MYO18B: variants seen among roughly 807,000 people sequenced by gnomAD.
MYO18B encodes the protein unconventional myosin-XVIIIb.
In MYO18B, 204 loss-of-function variants were observed where a neutral mutation model predicts 273.0. The ratio of observed to expected loss-of-function variants is 0.75; its 90% CI spans 0.67 to 0.84. The LOEUF is 0.84. MYO18B is among the 40% of genes least tolerant of loss of function. The pLI is 0.00. For synonymous variants in MYO18B, 1,330 were observed against 1,305.7 expected, an observed-to-expected ratio of 1.02 and a Z score of -0.40; for missense variants, 3,212 against 3,287.6, an observed-to-expected ratio of 0.98 and a Z score of 0.56.
chr22:25,852,699 A>C (rs910418591), intron 21 of MYO18B, among the ~76,000 whole-genome samples: 21 of 152,230 alleles, frequency 1.4e-4, no homozygotes, highest in Admixed American at 1.4e-3. Context: ...GAGGCCACAC[A>C]GCCAGGCATT....
chr22:25,824,620 C>T (rs1407556494), intron 13 of MYO18B, among the ~76,000 whole-genome samples: 1 of 152,102 alleles, frequency 6.6e-6, no homozygotes, highest in Non-Finnish European at 1.5e-5. Context: ...GGGCCCATCT[C>T]TTGGAGCTCC....
intron 3 of MYO18B, among the ~76,000 whole-genome samples, chr22:25,764,125 C>T (rs2086423290): frequency 6.6e-6 from 1 of 152,222 alleles, no homozygotes; most frequent in Non-Finnish European, 1.5e-5. Context: ...GTACCTTCCT[C>T]CAGCTGGTGT....
chr22:25,770,315 G>C (rs935551833), intron 5 of MYO18B, 139 bp downstream of exon 5: 9 of 735,434 alleles, frequency 1.2e-5, no homozygotes, highest in Admixed American at 1.1e-4. Context: ...TCTTTCAAAG[G>C]CATTTGTGTC....
intron 34 of MYO18B, among the ~76,000 whole-genome samples, chr22:25,933,397 G>A (rs1484156554): frequency 6.6e-6 from 1 of 152,138 alleles, no homozygotes; most frequent in Non-Finnish European, 1.5e-5. Flanking sequence ...GCCAACTGGT[G>A]GTTTTAGCAG....
chr22:25,892,804 A>G (rs1265128409), intron 27 of MYO18B, among the ~76,000 whole-genome samples: 3 of 152,204 alleles, frequency 2.0e-5, no homozygotes, highest in African/African-American at 7.2e-5. Context: ...AGAGAGGGGA[A>G]CATGTTGGTA....
intron 11 of MYO18B, among the ~76,000 whole-genome samples, chr22:25,793,269 C>T (rs1372087710): frequency 2.6e-5 from 4 of 152,282 alleles, no homozygotes; most frequent in Non-Finnish European, 5.9e-5. Context: ...GGGTCTTATT[C>T]TGTCATCCAG....
chr22:25,878,079 G>T (rs368078987), intron 25 of MYO18B, 31 bp downstream of exon 25: 41 of 1,522,256 alleles, frequency 2.7e-5, no homozygotes, highest in South Asian at 3.6e-5. Context: ...GGGTCCTTGT[G>T]GGGGGTCTTT....
At chr22:25,767,763 C>A (rs1026421923) in intron 3 of MYO18B, among the ~76,000 whole-genome samples, 1 of 152,180 alleles carries the variant, frequency 6.6e-6, no homozygotes, top group Non-Finnish European at 1.5e-5. Context: ...TCACACCTAC[C>A]CTGCAAGGTA....
rs376780168 is a variant in MYO18B, at chr22:25,992,844, A to C, written c.6287+351A>C. On this transcript the variant is annotated intron_variant, in intron 40 of 43. Coordinates refer to ENST00000335473, the MANE Select transcript of MYO18B (RefSeq NM_032608.7). The stretch of plus-strand genomic sequence containing the variant: ...ATAATATTAGGATGAATCACATGCA[A>C]TTGCCAAGATTGGACTATTTTTGAC... Among the ~76,000 whole-genome samples, 177 of 152,302 alleles carry C rather than the reference A, an allele frequency of 1.2e-3. 1 individual carries two copies. The highest frequency in any genetic ancestry group is 3.9e-3 in the African/African-American group (164 of 41,554).
intron 10 of MYO18B, among the ~76,000 whole-genome samples, chr22:25,783,745 G>A (rs1315776838): frequency 1.3e-5 from 2 of 152,226 alleles, no homozygotes; most frequent in Non-Finnish European, 2.9e-5. Context: ...TCCTTATTGA[G>A]TTTGGCATCC....
chr22:26,019,199 G>A (rs961330571), intron 42 of MYO18B, among the ~76,000 whole-genome samples: 1 of 152,192 alleles, frequency 6.6e-6, no homozygotes, highest in Non-Finnish European at 1.5e-5. Context: ...CAGCATGGGA[G>A]TCTCAGCTCT....
chr22:25,992,223 G>A (rs2093277448), intron 39 of MYO18B, 140 bp from the exon 40 acceptor site: 3 of 948,000 alleles, frequency 3.2e-6, no homozygotes, highest in Non-Finnish European at 4.7e-6. Flanking sequence ...CGCAGAGAGA[G>A]CCTCTCACGG....
rs1295385131 is a variant in MYO18B, at chr22:25,833,004, C to T, written c.3060+7C>T. On this transcript the variant is annotated splice_region_variant and intron_variant, in intron 16 of 43. Coordinates refer to ENST00000335473, the MANE Select transcript of MYO18B (RefSeq NM_032608.7). ...GGATCAAAATCCCTCTCAGGTAACA[C>T]AGGGCCCAGCCAATCCAGGCTCTCA... 1.2e-6 allele frequency: 2 copies of T among 1,613,350 alleles called. No homozygotes were observed. The highest frequency in any genetic ancestry group is 4.5e-5 in the East Asian group (2 of 44,880).
chr22:25,977,355 G>C (rs549510538), intron 39 of MYO18B, among the ~76,000 whole-genome samples: 1 of 146,100 alleles, frequency 6.8e-6, no homozygotes, highest in Admixed American at 6.7e-5. Context: ...CTGGGTTGCT[G>C]TGTCTGTAAC....
chr22:25,821,235 G>T (rs1366588923), intron 12 of MYO18B, among the ~76,000 whole-genome samples: 1 of 151,770 alleles, frequency 6.6e-6, no homozygotes, highest in Non-Finnish European at 1.5e-5. Context: ...GTTTTTTGAG[G>T]AAAGTTCCTA....
intron 12 of MYO18B, among the ~76,000 whole-genome samples, chr22:25,816,189 C>A (rs547029135): frequency 6.6e-6 from 1 of 152,266 alleles, no homozygotes; most frequent in Non-Finnish European, 1.5e-5. Flanking sequence ...GGGCAGAAAG[C>A]CACAGCTGCC....
chr22:26,033,641 C>T (rs924505447), downstream of MYO18B, among the ~76,000 whole-genome samples: 2 of 152,160 alleles, frequency 1.3e-5, no homozygotes, highest in Non-Finnish European at 2.9e-5. Flanking sequence ...CAACCATCCC[C>T]ATGCCTCTCA....
intron 12 of MYO18B, among the ~76,000 whole-genome samples, chr22:25,801,956 G>A (rs1047518355): frequency 6.6e-6 from 1 of 152,156 alleles, no homozygotes; most frequent in African/African-American, 2.4e-5. Context: ...CACCTCCCAA[G>A]TACCCTGTGT....
chr22:26,023,144 T>G (rs1197297713), intron 42 of MYO18B, among the ~76,000 whole-genome samples: 1 of 152,134 alleles, frequency 6.6e-6, no homozygotes, highest in Non-Finnish European at 1.5e-5. Flanking sequence ...CTTCTGGGTC[T>G]CCTTCCTCTT....
Sources: gnomAD v4.1 joint callset for allele counts (sites outside exome capture counted in the v4.1 genomes callset) on GRCh38, gnomAD v4.1.1 for gene constraint, MANE v1.5 for transcripts, NCBI Gene and HGNC (gene_info 2026-07-23, HGNC 2026-07-21) for gene names.